The following SCLT1 variants were observed in gnomAD, a reference collection of about 807,000 sequenced individuals.
The protein encoded by SCLT1 is sodium channel-associated protein 1.
A neutral mutation model predicts 112.8 loss-of-function variants in SCLT1; 78 were observed. The observed-to-expected ratio is 0.69, with a 90% CI of 0.58 to 0.83. The LOEUF (loss-of-function observed/expected upper bound fraction) is 0.83. Ranked by LOEUF, SCLT1 falls within the 40% of genes least tolerant of loss-of-function variation. The pLI, the probability that SCLT1 is intolerant of heterozygous loss-of-function variation, is 0.00. For missense variants in SCLT1, 747 were observed against 770.4 expected, an observed-to-expected ratio of 0.97 and a Z score of 0.36; for synonymous variants, 257 against 254.7, an observed-to-expected ratio of 1.01 and a Z score of -0.09.
At chr4:129,072,874 G>T (rs1233535774) in intron 2 of SCLT1, among the ~76,000 whole-genome samples, 1 of 151,940 alleles carries the variant, frequency 6.6e-6, no homozygotes, top group African/African-American at 2.4e-5. Flanking sequence ...GTGCTGAAGA[G>T]CCTTGTTTTG....
At chr4:129,019,506 TAAGA>T (rs1307759066) in intron 5 of SCLT1, among the ~76,000 whole-genome samples, 2 of 152,054 alleles carry the variant, frequency 1.3e-5, no homozygotes, top group South Asian at 2.1e-4. Context: ...TAGAATCAAA[TAAGA>T]TAGAAGAGAG....
At chr4:129,080,876 G>T (rs1449687339) in intron 2 of SCLT1, among the ~76,000 whole-genome samples, 1 of 152,178 alleles carries the variant, frequency 6.6e-6, no homozygotes, top group Non-Finnish European at 1.5e-5. Flanking sequence ...TGCAGTCTGT[G>T]GGAGAGAGAG....
Position 128,992,241 on chromosome 4 carries a change from C to T in SCLT1, c.616-4G>A. The T allele has an allele frequency of 6.4e-7, 1 of 1,572,790 alleles. No homozygotes were observed. The highest frequency in any genetic ancestry group is 8.7e-7 in the Non-Finnish European group (1 of 1,153,830). ...TTTTCAGAAACTGTTGGTTAGTCTG[C>T]CACAAGAAAAAAAAAGAATCAGTAT... On this transcript the variant is annotated splice_region_variant and splice_polypyrimidine_tract_variant and intron_variant, in intron 8 of 20. Coordinates refer to ENST00000281142, the MANE Select transcript of SCLT1 (RefSeq NM_144643.4).
intron 9 of SCLT1, among the ~76,000 whole-genome samples, chr4:128,984,280 T>C (rs1234196419): frequency 7.9e-5 from 12 of 152,180 alleles, no homozygotes; most frequent in Admixed American, 7.9e-4. Flanking sequence ...TGCAATCAAC[T>C]CTGCTACTTG....
At chr4:128,886,843 T>C (rs1037750510) in intron 20 of SCLT1, among the ~76,000 whole-genome samples, 5 of 152,232 alleles carry the variant, frequency 3.3e-5, no homozygotes, top group African/African-American at 1.2e-4. Flanking sequence ...ATATAATTAA[T>C]GTCCTGTAAT....
At chr4:128,996,649 T>A (rs965426199) in intron 8 of SCLT1, among the ~76,000 whole-genome samples, 8 of 152,114 alleles carry the variant, frequency 5.3e-5, no homozygotes, top group Non-Finnish European at 1.0e-4. Context: ...CTTTCAACCA[T>A]TTACTTTTAT....
Position 129,062,010 on chromosome 4 carries a change from T to C in SCLT1, c.103-17959A>G, listed in dbSNP as rs141689485. On this transcript the variant is annotated intron_variant, in intron 2 of 20. Transcript: ENST00000281142. ...CAGTGGCGAGGTCTGTAGGAGTTAA[T>C]GCAGGCTGCATTAACTCGCAGCCAC... Among the ~76,000 whole-genome samples the C allele has an allele frequency of 4.0e-3, 605 of 151,806 alleles. 3 individuals are homozygous for C. The highest frequency in any genetic ancestry group is 0.014 in the African/African-American group (561 of 41,392).
chr4:128,917,342 T>C (rs890253705), intron 18 of SCLT1, among the ~76,000 whole-genome samples: 2 of 152,190 alleles, frequency 1.3e-5, no homozygotes, highest in African/African-American at 2.4e-5. Flanking sequence ...ACACAACATA[T>C]TGATTTTAGT....
intron 2 of SCLT1, among the ~76,000 whole-genome samples, chr4:129,055,198 G>C (rs1404147795): frequency 6.6e-6 from 1 of 152,212 alleles, no homozygotes; most frequent in Non-Finnish European, 1.5e-5. Context: ...TGAGGAGTCA[G>C]TCAACCCTTG....
At chr4:129,079,703 C>T (rs776890996) in intron 2 of SCLT1, among the ~76,000 whole-genome samples, 9 of 152,228 alleles carry the variant, frequency 5.9e-5, no homozygotes, top group Non-Finnish European at 1.2e-4. Context: ...TGGTAGCTCC[C>T]TTCTCACAGC....
At chr4:128,995,564 C>T (rs1742941432) in intron 8 of SCLT1, among the ~76,000 whole-genome samples, 1 of 152,114 alleles carries the variant, frequency 6.6e-6, no homozygotes, top group South Asian at 2.1e-4. Context: ...CCAGTCTTCA[C>T]AGATTAGTGT....
At chr4:128,932,138 G>C (rs1736825206) in intron 18 of SCLT1, among the ~76,000 whole-genome samples, 1 of 151,778 alleles carries the variant, frequency 6.6e-6, no homozygotes, top group South Asian at 2.1e-4. Flanking sequence ...ATGCTTTTGA[G>C]GAGGAATAAT....
intron 4 of SCLT1, among the ~76,000 whole-genome samples, chr4:129,040,972 AAAAC>A: frequency 6.6e-6 from 1 of 152,348 alleles, no homozygotes; most frequent in East Asian, 1.9e-4. Context: ...GCAAAATAGA[AAAAC>A]AAAGTTAAAC....
chr4:129,018,236 T>C (rs1440849167), intron 5 of SCLT1, among the ~76,000 whole-genome samples: 1 of 152,196 alleles, frequency 6.6e-6, no homozygotes, highest in Non-Finnish European at 1.5e-5. Context: ...ACCAAACCCA[T>C]ATCCTGAACT....
chr4:129,048,342 G>C lies in SCLT1; in HGVS notation c.103-4291C>G, dbSNP rs370734299. On this transcript the variant is annotated intron_variant, in intron 2 of 20. Coordinates refer to ENST00000281142, the MANE Select transcript of SCLT1 (RefSeq NM_144643.4). ...TAACACCACATATCTACAACTATCT[G>C]ATCTTTGACAAACCTGAGAAAAACA... 9.6e-3 allele frequency among the ~76,000 whole-genome samples: 1,458 copies of C among 152,008 alleles called. 17 individuals carry two copies. The highest frequency in any genetic ancestry group is 0.028 in the African/African-American group (1,169 of 41,500).
chr4:129,023,681 T>C (rs1054216494), intron 5 of SCLT1, among the ~76,000 whole-genome samples: 5 of 152,184 alleles, frequency 3.3e-5, no homozygotes, highest in Middle Eastern at 3.4e-3. Context: ...TGCCAGACAG[T>C]GGGTGCAGGA....
At position 129,003,889 on chromosome 4, in the gene SCLT1, T is replaced by C. The variant is rs1274276593; in HGVS notation, c.291-13A>G. On this transcript the variant is annotated splice_polypyrimidine_tract_variant and intron_variant, in intron 5 of 20. Coordinates refer to ENST00000281142, the MANE Select transcript of SCLT1 (RefSeq NM_144643.4). ...TTCACTGTGCAACCTTTGAAACAAA[T>C]AGTTAACATGATAGCCTCAAGTCAT... The C allele has an allele frequency of 2.5e-6, 4 of 1,607,470 alleles. No individual in the cohort carries two copies. The highest frequency in any genetic ancestry group is 3.4e-6 in the Non-Finnish European group (4 of 1,177,516).
chr4:128,882,827 A>G (rs1382494027), downstream of SCLT1, among the ~76,000 whole-genome samples: 4 of 152,274 alleles, frequency 2.6e-5, no homozygotes, highest in Non-Finnish European at 4.4e-5. Flanking sequence ...ATTTGAGTAG[A>G]GATCTGAAAA....
intron 9 of SCLT1, among the ~76,000 whole-genome samples, chr4:128,981,645 T>C (rs1741661042): frequency 6.6e-6 from 1 of 151,490 alleles, no homozygotes; most frequent in Admixed American, 6.6e-5. Context: ...CCTGACTCAC[T>C]GGCCCCCTAC....
Sources: gnomAD v4.1 joint callset for allele counts (sites outside exome capture counted in the v4.1 genomes callset) on GRCh38, gnomAD v4.1.1 for gene constraint, MANE v1.5 for transcripts, NCBI Gene and HGNC (gene_info 2026-07-23, HGNC 2026-07-21) for gene names.